The following EYS variants were observed in gnomAD, a reference collection of about 807,000 sequenced individuals.
EYS encodes EGF-like photoreceptor maintenance factor, also known as protein eyes shut homolog.
In EYS, 250 loss-of-function variants were observed where a neutral mutation model predicts 282.1. The ratio of observed to expected loss-of-function variants is 0.89; its 90% confidence interval spans 0.80 to 0.98. EYS has a LOEUF of 0.98. Among genes scored for constraint, EYS ranks in the 50% least tolerant of loss-of-function variants. EYS has a pLI of 0.00. For missense variants in EYS, 4,016 were observed against 3,709.0 expected (o/e 1.08, Z -2.15); for synonymous variants, 1,355 against 1,282.9 (o/e 1.06, Z -1.20).
intron 41 of EYS, among the ~76,000 whole-genome samples, chr6:63,750,032 T>A (rs1452656904): frequency 6.6e-6 from 1 of 152,244 alleles, no homozygotes; most frequent in Non-Finnish European, 1.5e-5. Context: ...AGATCAAGTC[T>A]GCTGTTAAAC....
At chr6:64,678,684 A>T (rs1292006597) in intron 22 of EYS, among the ~76,000 whole-genome samples, 1 of 151,938 alleles carries the variant, frequency 6.6e-6, no homozygotes, top group African/African-American at 2.4e-5. Flanking sequence ...CAATTTCACA[A>T]TTCAAACATA....
intron 28 of EYS, among the ~76,000 whole-genome samples, chr6:64,410,793 T>G (rs1439122206): frequency 6.6e-6 from 1 of 152,138 alleles, no homozygotes; most frequent in Non-Finnish European, 1.5e-5. Flanking sequence ...ATATATTGGT[T>G]TTTACTGTGT....
At chr6:64,835,508 T>C (rs1055350103) in intron 19 of EYS, among the ~76,000 whole-genome samples, 1 of 151,666 alleles carries the variant, frequency 6.6e-6, no homozygotes, top group African/African-American at 2.4e-5. Flanking sequence ...AATATTTTAA[T>C]ACCAAGATGA....
intron 12 of EYS, among the ~76,000 whole-genome samples, chr6:65,177,211 G>GA (rs1196444480): frequency 4.0e-5 from 6 of 151,458 alleles, no homozygotes; most frequent in African/African-American, 1.2e-4. Context: ...GATTTCATTA[G>GA]AAAAAAATGT....
chr6:64,189,983 CAATTAATATTTATTGATTCTATGT>C (rs1380346250), intron 31 of EYS, among the ~76,000 whole-genome samples: 1 of 152,080 alleles, frequency 6.6e-6, no homozygotes, highest in African/African-American at 2.4e-5. Flanking sequence ...ATTTTGTGTT[CAATTAATATTTATTGATTCTATGT>C]AATTAATATT....
intron 34 of EYS, among the ~76,000 whole-genome samples, chr6:63,985,751 C>G (rs1767329702): frequency 6.6e-6 from 1 of 151,640 alleles, no homozygotes; most frequent in Non-Finnish European, 1.5e-5. Context: ...AGCTGGTCCC[C>G]TTCTTACACC....
intron 33 of EYS, among the ~76,000 whole-genome samples, chr6:64,036,369 A>G (rs1262559416): frequency 6.6e-6 from 1 of 152,236 alleles, no homozygotes; most frequent in Non-Finnish European, 1.5e-5. Flanking sequence ...TTTTGGGTAT[A>G]GAATATTGAA....
chr6:63,796,590 C>T (rs527397655), intron 37 of EYS, among the ~76,000 whole-genome samples: 1 of 152,206 alleles, frequency 6.6e-6, no homozygotes, highest in African/African-American at 2.4e-5. Flanking sequence ...AACTATTATT[C>T]TAATATGGTA....
intron 22 of EYS, among the ~76,000 whole-genome samples, chr6:64,795,626 C>T (rs1012137603): frequency 2.6e-5 from 4 of 152,064 alleles, no homozygotes; most frequent in Non-Finnish European, 2.9e-5. Flanking sequence ...CTCAAGGGAC[C>T]GTGTAAACAT....
chr6:64,684,025 T>A (rs1333216357), intron 22 of EYS, among the ~76,000 whole-genome samples: 1 of 152,226 alleles, frequency 6.6e-6, no homozygotes. Context: ...TCAATAAACC[T>A]GTGTTGCTGT....
chr6:64,425,911 G>A (rs1774392314), intron 28 of EYS, among the ~76,000 whole-genome samples: 1 of 152,072 alleles, frequency 6.6e-6, no homozygotes, highest in Non-Finnish European at 1.5e-5. Context: ...GAGAAGCGAT[G>A]TTAGGAGTAG....
At chr6:65,651,728 T>C (rs897409739) in intron 1 of EYS, among the ~76,000 whole-genome samples, 2 of 152,038 alleles carry the variant, frequency 1.3e-5, no homozygotes, top group Non-Finnish European at 2.9e-5. Flanking sequence ...TTTGAAACTA[T>C]CCAGTTCTCT....
At chr6:64,562,318 C>T (rs1303166097) in intron 26 of EYS, among the ~76,000 whole-genome samples, 1 of 151,514 alleles carries the variant, frequency 6.6e-6, no homozygotes, top group African/African-American at 2.4e-5. Flanking sequence ...TTTTAATGGC[C>T]AATATTTTGT....
At chr6:65,088,632 T>C (rs1581898706) in intron 12 of EYS, among the ~76,000 whole-genome samples, 3 of 152,202 alleles carry the variant, frequency 2.0e-5, no homozygotes, top group Non-Finnish European at 4.4e-5. Context: ...GACCATGAGG[T>C]AGAAAAGAAA....
chr6:64,631,555 T>C (rs964020094), intron 22 of EYS: 2 of 152,180 alleles, frequency 1.3e-5, no homozygotes, highest in Non-Finnish European at 2.9e-5. Flanking sequence ...GTAGTATTTA[T>C]TTTCCATTAT....
intron 26 of EYS, among the ~76,000 whole-genome samples, chr6:64,486,552 T>C (rs1475380590): frequency 6.6e-6 from 1 of 151,430 alleles, no homozygotes; most frequent in African/African-American, 2.4e-5. Flanking sequence ...ATTATTACAG[T>C]TGATGAATTG....
At chr6:63,955,902 A>C (rs754524284) in intron 35 of EYS, among the ~76,000 whole-genome samples, 1 of 152,136 alleles carries the variant, frequency 6.6e-6, no homozygotes, top group Non-Finnish European at 1.5e-5. Flanking sequence ...CAATTCATAT[A>C]AAACCATATC....
At chr6:64,746,575 C>G (rs1273254301) in intron 22 of EYS, among the ~76,000 whole-genome samples, 1 of 152,048 alleles carries the variant, frequency 6.6e-6, no homozygotes, top group Non-Finnish European at 1.5e-5. Flanking sequence ...GTTTTTTAAA[C>G]CAAAACAAGT....
chr6:65,170,005 TA>T (rs1238883960), intron 12 of EYS, among the ~76,000 whole-genome samples: 1 of 151,574 alleles, frequency 6.6e-6, no homozygotes, highest in Non-Finnish European at 1.5e-5. Context: ...TGCAATCTTC[TA>T]AAAATGGGAA....
Sources: allele counts gnomAD v4.1 joint callset (sites outside exome capture counted in the v4.1 genomes callset), GRCh38; gene constraint gnomAD v4.1.1; transcripts MANE v1.5; gene names NCBI Gene and HGNC (gene_info 2026-07-23, HGNC 2026-07-21).